Variants in NALF1 observed in about 807,000 individuals in gnomAD.
The protein encoded by NALF1 is family with sequence similarity 155 member A.
In NALF1, 3 loss-of-function variants were observed where a neutral mutation model predicts 48.4. The observed-to-expected ratio is 0.06, with a 90% CI of 0.03 to 0.16. The LOEUF is 0.16. NALF1 is among the 10% of genes least tolerant of loss of function. The pLI is 1.00. For synonymous variants in NALF1, 262 were observed against 245.7 expected, an observed-to-expected ratio of 1.07 and a Z score of -0.62; for missense variants, 526 against 571.5, an observed-to-expected ratio of 0.92 and a Z score of 0.81.
intron 1 of NALF1, among the ~76,000 whole-genome samples, chr13:107,555,983 A>G (rs1877462579): frequency 6.6e-6 from 1 of 152,168 alleles, no homozygotes; most frequent in Admixed American, 6.5e-5. Flanking sequence ...AAATTTTACT[A>G]TAAAATTATT....
intron 1 of NALF1, among the ~76,000 whole-genome samples, chr13:107,216,878 A>C (rs1221620576): frequency 6.6e-6 from 1 of 152,192 alleles, no homozygotes; most frequent in Non-Finnish European, 1.5e-5. Flanking sequence ...ATATGATTGT[A>C]CAGAAGGTGA....
Position 107,422,538 on chromosome 13 carries a change from T to C in NALF1, c.916-211783A>G, listed in dbSNP as rs1884206653. Among the ~76,000 whole-genome samples the C allele has an allele frequency of 5.3e-5, 8 of 152,210 alleles. 1 individual carries two copies. The South Asian group carries it at 1.7e-3, about 32-fold the overall frequency. ...CATTGATGGGCCCAAGTAGGGTCGG[T>C]TATTTTTACAACTTCAACTTCCTGC... On this transcript the variant is annotated intron_variant, in intron 1 of 2. Coordinates refer to ENST00000375915, the MANE Select transcript of NALF1 (RefSeq NM_001080396.3).
chr13:107,227,966 T>C (rs1282865112), intron 1 of NALF1, among the ~76,000 whole-genome samples: 1 of 152,146 alleles, frequency 6.6e-6, no homozygotes, highest in African/African-American at 2.4e-5. Context: ...ATGTAACATA[T>C]AAGGAACCAA....
Position 107,438,476 on chromosome 13 carries a change from A to G in NALF1, c.916-227721T>C, listed in dbSNP as rs78413300. Among the ~76,000 whole-genome samples, 5 of 152,244 alleles carry G rather than the reference A, an allele frequency of 3.3e-5. No individual in the cohort carries two copies. The East Asian group carries it at 9.7e-4, about 29-fold the overall frequency. On this transcript the variant is annotated intron_variant, in intron 1 of 2. Transcript: ENST00000375915. ...AAAGTATCTCTTATGTTGCAATCTG[A>G]CATGAGTTGTTTCAAATTTGCAGAG... is the stretch of plus-strand genomic sequence containing the variant.
intron 1 of NALF1, among the ~76,000 whole-genome samples, chr13:107,321,304 T>C (rs1360848595): frequency 6.6e-6 from 1 of 152,074 alleles, no homozygotes. Context: ...ACAGAAGCAA[T>C]TTTATTTTTC....
chr13:107,802,599 TAG>T (rs969558239), intron 1 of NALF1, among the ~76,000 whole-genome samples: 12 of 151,024 alleles, frequency 7.9e-5, no homozygotes, highest in Non-Finnish European at 1.3e-4. Context: ...CCAAAACTGC[TAG>T]AGACATAGTT....
chr13:107,186,434 C>G (rs557021268), intron 2 of NALF1, among the ~76,000 whole-genome samples: 1 of 152,144 alleles, frequency 6.6e-6, no homozygotes, highest in Non-Finnish European at 1.5e-5. Flanking sequence ...GTGGCATGAT[C>G]GCGGCTCACG....
chr13:107,531,548 A>T (rs1295333537), intron 1 of NALF1, among the ~76,000 whole-genome samples: 3 of 152,136 alleles, frequency 2.0e-5, no homozygotes, highest in Non-Finnish European at 2.9e-5. Context: ...CCTTTATAGC[A>T]ATGCAAGAAT....
chr13:107,788,638 T>C (rs1878141324), intron 1 of NALF1: 1 of 152,222 alleles, frequency 6.6e-6, no homozygotes, highest in South Asian at 2.1e-4. Context: ...GCCGCAGTCA[T>C]TACACAGCTC....
intron 1 of NALF1, among the ~76,000 whole-genome samples, chr13:107,561,121 A>G (rs1877632662): frequency 6.6e-6 from 1 of 152,230 alleles, no homozygotes; most frequent in Non-Finnish European, 1.5e-5. Context: ...GAACAAGGAT[A>G]TTCTCCTACA....
intron 1 of NALF1, among the ~76,000 whole-genome samples, chr13:107,411,787 A>C (rs1315090802): frequency 6.6e-6 from 1 of 152,166 alleles, no homozygotes; most frequent in Non-Finnish European, 1.5e-5. Context: ...TCCTTGAAGA[A>C]ATTACATTTG....
At chr13:107,458,824 A>G (rs1407685284) in intron 1 of NALF1, among the ~76,000 whole-genome samples, 12 of 152,156 alleles carry the variant, frequency 7.9e-5, no homozygotes, top group Non-Finnish European at 1.0e-4. Context: ...ATTATTTAAT[A>G]TTTTTTGTTG....
intron 1 of NALF1, among the ~76,000 whole-genome samples, chr13:107,375,880 A>T (rs537618424): frequency 6.6e-6 from 1 of 152,094 alleles, no homozygotes; most frequent in South Asian, 2.1e-4. Context: ...AAGTGACCTG[A>T]TGCCCCCTCC....
chr13:107,311,163 T>A (rs1882037375), intron 1 of NALF1, among the ~76,000 whole-genome samples: 1 of 152,164 alleles, frequency 6.6e-6, no homozygotes, highest in Non-Finnish European at 1.5e-5. Context: ...CAGTACTGTT[T>A]GTATTATTTT....
At chr13:107,275,853 G>A (rs964723310) in intron 1 of NALF1, among the ~76,000 whole-genome samples, 14 of 152,138 alleles carry the variant, frequency 9.2e-5, no homozygotes, top group African/African-American at 3.4e-4. Flanking sequence ...TGCTGGCTGA[G>A]CCTGCAGTGT....
chr13:107,729,503 G>T (rs1412954990), intron 1 of NALF1, among the ~76,000 whole-genome samples: 1 of 151,558 alleles, frequency 6.6e-6, no homozygotes, highest in Non-Finnish European at 1.5e-5. Flanking sequence ...TTGAGACAGT[G>T]TCTTGCTCTG....
chr13:107,423,655 C>T (rs1012998905), intron 1 of NALF1, among the ~76,000 whole-genome samples: 3 of 152,076 alleles, frequency 2.0e-5, no homozygotes, highest in Non-Finnish European at 4.4e-5. Context: ...TGTGACTAAA[C>T]CCTGCCTTAA....
At chr13:107,242,644 G>T (rs12864948) in intron 1 of NALF1, among the ~76,000 whole-genome samples, 3 of 151,914 alleles carry the variant, frequency 2.0e-5, no homozygotes, top group Admixed American at 6.6e-5. Context: ...AGTGACAGCC[G>T]TCTGCTCATT....
intron 1 of NALF1, among the ~76,000 whole-genome samples, chr13:107,661,656 C>A (rs1171820194): frequency 1.3e-5 from 2 of 151,678 alleles, no homozygotes; most frequent in African/African-American, 2.4e-5. Flanking sequence ...TCTGTGAAAA[C>A]TGAATTACCT....
Sources: allele counts gnomAD v4.1 joint callset (sites outside exome capture counted in the v4.1 genomes callset), GRCh38; gene constraint gnomAD v4.1.1; transcripts MANE v1.5; gene names NCBI Gene and HGNC (gene_info 2026-07-23, HGNC 2026-07-21).